PARD3: variants seen among roughly 807,000 people sequenced by gnomAD.
The protein encoded by PARD3 is partitioning defective 3 homolog.
In PARD3, 75 loss-of-function variants were observed where a neutral mutation model predicts 155.4. The ratio of observed to expected loss-of-function variants is 0.48; its 90% CI spans 0.40 to 0.58. The LOEUF (loss-of-function observed/expected upper bound fraction) is 0.58, where lower values mean the gene tolerates loss of function less well. PARD3 is among the 20% of genes least tolerant of loss of function. The pLI, the probability that PARD3 is intolerant of heterozygous loss-of-function variation, is 0.00. For missense variants in PARD3, 1,642 were observed against 1,721.7 expected (o/e 0.95, Z 0.82); for synonymous variants, 576 against 610.5 (o/e 0.94, Z 0.83).
rs150691508 is a variant in PARD3, at chr10:34,508,756, T to C, written c.403+8223A>G. Among the ~76,000 whole-genome samples, 333 of 152,310 alleles carry C rather than the reference T, an allele frequency of 2.2e-3. 7 individuals carry two copies. The highest frequency in any genetic ancestry group is 0.02 in the Admixed American group (311 of 15,292). ...CCATCTACCTAAGGGGCCAGTAGTG[T>C]CCCATTCCAGAATACATGTCCTAGT... On this transcript the variant is annotated intron_variant, in intron 3 of 24. Transcript: ENST00000374788.
In PARD3 at chr10:34,511,699, T is replaced by C. The variant is rs182929422; in HGVS notation, c.403+5280A>G. Among the ~76,000 whole-genome samples, 71 of 152,364 alleles carry C rather than the reference T, an allele frequency of 4.7e-4. No homozygotes were observed. In the East Asian group the frequency reaches 5.4e-3, roughly 12 times the overall value. ...CATCTACTATTTGGTTATACAGTGATACCACTCATACAAAGGATACACAGA... is the reference window on the plus strand; with the variant it reads ...CATCTACTATTTGGTTATACAGTGACACCACTCATACAAAGGATACACAGA... On this transcript the variant is annotated intron_variant, in intron 3 of 24. Transcript: ENST00000374788.
intron 5 of PARD3, among the ~76,000 whole-genome samples, chr10:34,419,960 T>G (rs1433204374): frequency 2.0e-5 from 3 of 152,230 alleles, no homozygotes; most frequent in Non-Finnish European, 4.4e-5. Context: ...ATTAATTGAT[T>G]GATTGAGACA....
intron 2 of PARD3, among the ~76,000 whole-genome samples, chr10:34,639,361 T>G (rs958304438): frequency 6.6e-6 from 1 of 150,840 alleles, no homozygotes; most frequent in Non-Finnish European, 1.5e-5. Context: ...CAAGACTCTG[T>G]CTCAAAAAAA....
At position 34,681,516 on chromosome 10, in the gene PARD3, T is replaced by C. The variant is rs566248079; in HGVS notation, c.222+14802A>G. Among the ~76,000 whole-genome samples, 6 of 151,606 alleles carry C rather than the reference T, an allele frequency of 4.0e-5. No individual in the cohort carries two copies. The South Asian group carries it at 1.3e-3, about 32-fold the overall frequency. ...TGGGACTTTTCTTGCTTTAAAAGTA[T>C]GTGGAATGCAGCTACACTAAGAAAA... On this transcript the variant is annotated intron_variant, in intron 2 of 24. Coordinates refer to ENST00000374788, the MANE Select transcript of PARD3 (RefSeq NM_001184785.2).
At chr10:34,211,341 T>C (rs2133400699) in intron 22 of PARD3, among the ~76,000 whole-genome samples, 1 of 152,316 alleles carries the variant, frequency 6.6e-6, no homozygotes, top group East Asian at 1.9e-4. Flanking sequence ...ACAAAGTGTG[T>C]GTTTCCTCTT....
intron 2 of PARD3, among the ~76,000 whole-genome samples, chr10:34,657,380 A>G (rs1001237998): frequency 2.0e-5 from 3 of 152,232 alleles, no homozygotes; most frequent in African/African-American, 7.2e-5. Context: ...TGGTGATGAA[A>G]TAATTATTGT....
intron 23 of PARD3, among the ~76,000 whole-genome samples, chr10:34,120,551 C>T (rs187556486): frequency 8.8e-4 from 134 of 152,228 alleles, no homozygotes; most frequent in African/African-American, 3.0e-3. Context: ...AGTTTTACAG[C>T]AGGATACAGT....
intron 2 of PARD3, among the ~76,000 whole-genome samples, chr10:34,535,298 C>T (rs1364584073): frequency 6.6e-6 from 1 of 151,998 alleles, no homozygotes; most frequent in East Asian, 1.9e-4. Flanking sequence ...GATCAAAGGG[C>T]TTATCGCCAT....
intron 2 of PARD3, among the ~76,000 whole-genome samples, chr10:34,556,121 T>G (rs193198409): frequency 6.6e-6 from 1 of 152,180 alleles, no homozygotes; most frequent in Non-Finnish European, 1.5e-5. Context: ...AAAGCAGAAA[T>G]CAGAGACTGA....
chr10:34,268,538 T>A (rs1448315259), intron 22 of PARD3, among the ~76,000 whole-genome samples: 3 of 151,448 alleles, frequency 2.0e-5, no homozygotes, highest in African/African-American at 4.9e-5. Context: ...CAAATGTCCA[T>A]CAATGATAGA....
intron 5 of PARD3, among the ~76,000 whole-genome samples, chr10:34,413,280 C>A (rs1845305445): frequency 6.6e-6 from 1 of 151,796 alleles, no homozygotes; most frequent in Admixed American, 6.6e-5. Flanking sequence ...TGCATTAATA[C>A]CTGACTCCAG....
In PARD3 at chr10:34,696,347, G is replaced by C; in HGVS notation, c.193C>G (p.Leu65Val). ...TCTTTATCGTCTGCTACATCACAAA[G>C]AATGTCATCAAGGTCTAGTATTCCT... is the stretch of plus-strand genomic sequence containing the variant. ...DGGILDLDDI[L>V]CDVADDKDRL... Residue 65 changes from leucine (L) to valine (V), a missense_variant, in exon 2 of 25, where the codon CTT (leucine) becomes GTT (valine). Leu to Val is a conservative substitution (Grantham distance 32). Coordinates refer to ENST00000374788, the MANE Select transcript of PARD3 (RefSeq NM_001184785.2). 1 of 1,610,560 alleles carries C rather than the reference G, an allele frequency of 6.2e-7. No individual in the cohort carries two copies. Among genetic ancestry groups the C allele is most frequent in the Non-Finnish European group, 8.5e-7 (1 of 1,176,996 alleles).
Position 34,470,174 on chromosome 10 carries a change from G to T in PARD3, c.493C>A (p.Pro165Thr). ...VSDSNFSSEEPSRKNPTRWST... is the reference protein window; with the variant it reads ...VSDSNFSSEETSRKNPTRWST... Reference sequence around the variant, plus strand: ...CAGCGTGTGGGATTTTTCCTTGAAGGCTCTTCAGAGGAAAAATTACTATCA... The same window carrying T: ...CAGCGTGTGGGATTTTTCCTTGAAGTCTCTTCAGAGGAAAAATTACTATCA... Residue 165 changes from proline to threonine, a missense_variant, in exon 4 of 25, where the codon CCT becomes ACT. Around this residue, in one of 3 missense-constraint regions of PARD3, gnomAD observed 1,529 missense variants for 1,587.3 expected, o/e 0.96. Transcript: ENST00000374788. 1 of 1,613,380 alleles carries T rather than the reference G, an allele frequency of 6.2e-7. No homozygotes were observed. Among genetic ancestry groups the T allele is most frequent in the Non-Finnish European group, 8.5e-7 (1 of 1,179,666 alleles).
intron 2 of PARD3, among the ~76,000 whole-genome samples, chr10:34,519,910 A>T (rs1490866704): frequency 1.3e-5 from 1 of 79,816 alleles, no homozygotes; most frequent in Non-Finnish European, 3.1e-5. Flanking sequence ...CCCAAAGAGT[A>T]AAAAACTTCT....
At chr10:34,780,401 AGGTGC>A (rs1840104227) in intron 1 of PARD3, among the ~76,000 whole-genome samples, 1 of 152,228 alleles carries the variant, frequency 6.6e-6, no homozygotes, top group South Asian at 2.1e-4. Context: ...TTACATAATA[AGGTGC>A]ATAAGCACCT....
At chr10:34,546,352 C>T (rs1298465945) in intron 2 of PARD3, among the ~76,000 whole-genome samples, 1 of 151,824 alleles carries the variant, frequency 6.6e-6, no homozygotes, top group Non-Finnish European at 1.5e-5. Context: ...CCCGCCTCTA[C>T]TAAAAATACA....
intron 2 of PARD3, among the ~76,000 whole-genome samples, chr10:34,518,116 T>A (rs2081904384): frequency 6.6e-6 from 1 of 152,226 alleles, no homozygotes; most frequent in Non-Finnish European, 1.5e-5. Flanking sequence ...TGACCTCAAC[T>A]GTTCTGCCCG....
intron 2 of PARD3, among the ~76,000 whole-genome samples, chr10:34,651,328 A>G (rs2093008811): frequency 6.6e-6 from 1 of 152,146 alleles, no homozygotes; most frequent in African/African-American, 2.4e-5. Context: ...AGCACTCACA[A>G]CCCTTTGATA....
At chr10:34,328,751 G>C (rs532640079) in intron 19 of PARD3, among the ~76,000 whole-genome samples, 2 of 152,344 alleles carry the variant, frequency 1.3e-5, no homozygotes, top group South Asian at 2.1e-4. Context: ...GAAGAATGTA[G>C]AGGAGGATGC....
Sources: allele counts gnomAD v4.1 joint callset (sites outside exome capture counted in the v4.1 genomes callset), GRCh38; gene constraint gnomAD v4.1.1; regional missense constraint gnomAD v4.1.1; transcripts MANE v1.5; gene names NCBI Gene and HGNC (gene_info 2026-07-23, HGNC 2026-07-21).